VPS53: variants seen among roughly 807,000 people sequenced by gnomAD.
VPS53 encodes the protein vacuolar protein sorting-associated protein 53 homolog.
A neutral mutation model predicts 107.0 loss-of-function variants in VPS53; 70 were observed. The observed-to-expected ratio is 0.65, with a 90% CI of 0.54 to 0.80. The LOEUF (loss-of-function observed/expected upper bound fraction) is 0.80, where lower values mean the gene tolerates loss of function less well. VPS53 is among the 30% of genes least tolerant of loss of function. The pLI is 0.00. For synonymous variants in VPS53, 409 were observed against 393.3 expected, an observed-to-expected ratio of 1.04 and a Z score of -0.47; for missense variants, 917 against 1,049.4, an observed-to-expected ratio of 0.87 and a Z score of 1.74.
At chr17:566,180 G>C (rs1913488112) in intron 13 of VPS53, among the ~76,000 whole-genome samples, 1 of 148,524 alleles carries the variant, frequency 6.7e-6, no homozygotes, top group African/African-American at 2.5e-5. Flanking sequence ...CTCCAGCCTG[G>C]GCGACAGAGC....
chr17:679,290 C>T (rs1015784320), intron 4 of VPS53, among the ~76,000 whole-genome samples: 1 of 151,558 alleles, frequency 6.6e-6, no homozygotes, highest in Non-Finnish European at 1.5e-5. Flanking sequence ...CCGAGGCGCG[C>T]AGATCACGAG....
intron 4 of VPS53, among the ~76,000 whole-genome samples, chr17:670,887 T>C (rs1971907813): frequency 6.6e-6 from 1 of 152,218 alleles, no homozygotes; most frequent in African/African-American, 2.4e-5. Flanking sequence ...ACCATTTCTG[T>C]TTTCCAACTT....
At chr17:567,824 G>A (rs1186572820) in intron 13 of VPS53, among the ~76,000 whole-genome samples, 1 of 151,616 alleles carries the variant, frequency 6.6e-6, no homozygotes, top group East Asian at 1.9e-4. Flanking sequence ...AGGAGTTTGA[G>A]GTTACAGTGA....
At chr17:667,321 T>C (rs1597462378) in intron 4 of VPS53, among the ~76,000 whole-genome samples, 1 of 151,480 alleles carries the variant, frequency 6.6e-6, no homozygotes, top group Non-Finnish European at 1.5e-5. Flanking sequence ...TTTCAAGAAG[T>C]TTTTGCTATG....
chr17:586,067 C>G (rs1967293773), intron 13 of VPS53, among the ~76,000 whole-genome samples: 1 of 152,074 alleles, frequency 6.6e-6, no homozygotes, highest in Non-Finnish European at 1.5e-5. Context: ...TTATTAGGGG[C>G]AAACTCAGGC....
intron 19 of VPS53, chr17:523,245 C>G (rs1246187284): frequency 6.6e-6 from 1 of 152,514 alleles, no homozygotes; most frequent in Non-Finnish European, 1.5e-5. Context: ...TGTACTCTGG[C>G]CTGTTGAGAT....
chr17:660,388 C>T (rs879004550), intron 5 of VPS53, among the ~76,000 whole-genome samples: 1 of 152,202 alleles, frequency 6.6e-6, no homozygotes, highest in South Asian at 2.1e-4. Context: ...CTCACTCCCA[C>T]CTCTTCCTCC....
chr17:619,119 C>G (rs943069352), intron 11 of VPS53, among the ~76,000 whole-genome samples: 1 of 143,478 alleles, frequency 7.0e-6, no homozygotes, highest in African/African-American at 2.6e-5. Flanking sequence ...GTAGCTGGGA[C>G]TACAGGTGTG....
At chr17:604,052 G>A (rs1968447247) in intron 11 of VPS53, among the ~76,000 whole-genome samples, 1 of 152,210 alleles carries the variant, frequency 6.6e-6, no homozygotes, top group African/African-American at 2.4e-5. Flanking sequence ...AAATCATTCA[G>A]TGACAGACAC....
intron 12 of VPS53, among the ~76,000 whole-genome samples, chr17:595,807 A>C (rs1161383989): frequency 5.3e-5 from 7 of 131,238 alleles, no homozygotes; most frequent in Admixed American, 7.6e-5. Context: ...TCCTGATTTG[A>C]TGATGCACTC....
At chr17:661,743 A>C (rs1971446591) in intron 5 of VPS53, 66 bp downstream of exon 5, 1 of 1,448,868 alleles carries the variant, frequency 6.9e-7, no homozygotes, top group African/African-American at 1.4e-5. Context: ...TCATTATTAG[A>C]ATGCCTAGAT....
intron 7 of VPS53, among the ~76,000 whole-genome samples, chr17:634,430 T>C (rs1336107400): frequency 1.3e-5 from 2 of 152,136 alleles, no homozygotes; most frequent in Non-Finnish European, 2.9e-5. Context: ...AGTTTTAGGG[T>C]ACATGTGCAC....
intron 7 of VPS53, among the ~76,000 whole-genome samples, chr17:652,220 C>G (rs992974460): frequency 6.6e-6 from 1 of 152,108 alleles, no homozygotes; most frequent in Admixed American, 6.5e-5. Flanking sequence ...GCCTCGAACT[C>G]CTGACCTCGG....
chr17:692,788 G>T (rs1326628684), intron 4 of VPS53, among the ~76,000 whole-genome samples: 1 of 152,138 alleles, frequency 6.6e-6, no homozygotes, highest in African/African-American at 2.4e-5. Context: ...GGACCACAAG[G>T]TCAGGAGTTT....
At chr17:544,991 G>A (rs1174710471) in intron 17 of VPS53, among the ~76,000 whole-genome samples, 1 of 152,062 alleles carries the variant, frequency 6.6e-6, no homozygotes, top group Non-Finnish European at 1.5e-5. Flanking sequence ...TAGGGTGAGA[G>A]GATCACTGGA....
In VPS53 at chr17:712,177, C is replaced by CTTTTTTTT. The variant is rs35522489; in HGVS notation, c.88-1572_88-1565dup. The stretch of plus-strand genomic sequence containing the variant: ...TTTTCATGTCTAGAGTGACTTTCGC[C>CTTTTTTTT]TTTTTTTTTTTTTTTTTTTTCGAGA... On this transcript the variant is annotated intron_variant, in intron 1 of 21. Coordinates refer to ENST00000437048, the MANE Select transcript of VPS53 (RefSeq NM_001128159.3). Among the ~76,000 whole-genome samples the CTTTTTTTT allele has an allele frequency of 3.0e-5, 3 of 98,466 alleles. 1 individual carries two copies. Among genetic ancestry groups the CTTTTTTTT allele is most frequent in the African/African-American group, 4.4e-5 (1 of 22,746 alleles). 64.6% of individuals were successfully genotyped at this position (98,466 alleles called of 152,430 possible).
At chr17:610,109 C>T (rs28396482) in intron 11 of VPS53, among the ~76,000 whole-genome samples, 14,064 of 148,866 alleles carry the variant, frequency 0.094, 759 homozygotes, top group East Asian at 0.21. Context: ...CGAGCCTGGG[C>T]GACAGAGTGA....
chr17:521,736 C>A lies in VPS53; in HGVS notation c.2088G>T (p.Leu696=). 1 of 1,542,818 alleles carries A rather than the reference C, an allele frequency of 6.5e-7. No individual in the cohort carries two copies. Among genetic ancestry groups the A allele is most frequent in the African/African-American group, 1.4e-5 (1 of 72,978 alleles). ...TCTTCAGCGAGTGGGTGTCCAGCAG[C>A]AGCTGTGGAGCAAAGCAGAGAGCAT... ...KPISMVGAEQ[L]LLDTHSLKMV... The change falls in exon 20 of 22, where the codon CTG becomes CTT. Residue 696 remains leucine, a splice_region_variant and synonymous_variant. Transcript: ENST00000437048.
At chr17:617,402 CT>C (rs962064959) in intron 11 of VPS53, among the ~76,000 whole-genome samples, 2 of 152,328 alleles carry the variant, frequency 1.3e-5, no homozygotes, top group African/African-American at 4.8e-5. Flanking sequence ...TTCCTATTTC[CT>C]TTCCTTTTCT....
Sources: allele counts gnomAD v4.1 joint callset (sites outside exome capture counted in the v4.1 genomes callset), GRCh38; gene constraint gnomAD v4.1.1; transcripts MANE v1.5; gene names NCBI Gene and HGNC (gene_info 2026-07-23, HGNC 2026-07-21).